TNN: variants seen among roughly 807,000 people sequenced by gnomAD.
The protein encoded by TNN is tenascin N, also known as tenascin-N.
In TNN, 122 loss-of-function variants were observed where a neutral mutation model predicts 134.4. The observed-to-expected ratio is 0.91, with a 90% CI of 0.78 to 1.06. The LOEUF (loss-of-function observed/expected upper bound fraction) is 1.06, where lower values mean the gene tolerates loss of function less well. Ranked by LOEUF, TNN falls within the 50% of genes least tolerant of loss-of-function variation. TNN has a pLI of 0.00. For missense variants in TNN, 1,739 were observed against 1,699.4 expected (o/e 1.02, Z -0.41); for synonymous variants, 710 against 670.3 (o/e 1.06, Z -0.91).
intron 9 of TNN, among the ~76,000 whole-genome samples, chr1:175,111,229 A>G (rs1675015498): frequency 6.6e-6 from 1 of 152,164 alleles, no homozygotes; most frequent in Non-Finnish European, 1.5e-5. Context: ...GAGGCAGGAG[A>G]ATCGCTTGAA....
intron 9 of TNN, among the ~76,000 whole-genome samples, chr1:175,109,795 G>A (rs1444305265): frequency 1.3e-5 from 2 of 151,686 alleles, no homozygotes; most frequent in African/African-American, 2.4e-5. Context: ...TGGTTATTAT[G>A]AATAGTGCTG....
At chr1:175,127,450 A>G (rs777696845) in intron 13 of TNN, among the ~76,000 whole-genome samples, 1 of 152,188 alleles carries the variant, frequency 6.6e-6, no homozygotes, top group Non-Finnish European at 1.5e-5. Flanking sequence ...GAAAATTATT[A>G]TTCTCCCTCC....
rs1011383991 is a variant in TNN at position 175,107,231 on chromosome 1, G to T, written c.2119+8636G>T. Among the ~76,000 whole-genome samples the T allele has an allele frequency of 1.3e-4, 19 of 145,542 alleles. 2 individuals are homozygous for T. Among genetic ancestry groups the T allele is most frequent in the Middle Eastern group, 3.5e-3 (1 of 288 alleles). On this transcript the variant is annotated intron_variant, in intron 9 of 18. Transcript: ENST00000239462. ...TCTGTCCCTTCTGATGTTCAGATGT[G>T]TTTGGAGTTTCTTCCTTCTGGTGGG... is the stretch of plus-strand genomic sequence containing the variant.
intron 1 of TNN, among the ~76,000 whole-genome samples, chr1:175,068,758 A>T (rs909465864): frequency 3.9e-5 from 6 of 152,044 alleles, no homozygotes; most frequent in Non-Finnish European, 8.8e-5. Flanking sequence ...AATACAAAAA[A>T]TTAGCCGGGC....
chr1:175,115,587 C>G (rs949767920), intron 9 of TNN, among the ~76,000 whole-genome samples: 7 of 152,092 alleles, frequency 4.6e-5, no homozygotes, highest in African/African-American at 1.7e-4. Context: ...GGTGTCTCAG[C>G]AGCAGTTTAC....
chr1:175,099,661 A>C (rs1348881779), intron 9 of TNN, among the ~76,000 whole-genome samples: 1 of 151,518 alleles, frequency 6.6e-6, no homozygotes, highest in Non-Finnish European at 1.5e-5. Context: ...AGGGGTCAGG[A>C]GGAAGCGAAG....
chr1:175,138,262 A>G (rs1675865290), intron 17 of TNN, among the ~76,000 whole-genome samples: 1 of 152,234 alleles, frequency 6.6e-6, no homozygotes, highest in Non-Finnish European at 1.5e-5. Context: ...AAATAGTCAC[A>G]TGAATTTTGC....
rs979721208 is a variant in TNN at position 175,120,692 on chromosome 1, A to G, written c.2650+1868A>G. ...GACAGACCTCACTGCAAAAAAGGCT[A>G]GGAAATGAGGTCTTTAGCTGGATGG... On this transcript the variant is annotated intron_variant, in intron 11 of 18. Coordinates refer to ENST00000239462, the MANE Select transcript of TNN (RefSeq NM_022093.2). 3.9e-5 allele frequency among the ~76,000 whole-genome samples: 6 copies of G among 152,048 alleles called. 1 individual carries two copies. The South Asian group carries it at 6.2e-4, about 16-fold the overall frequency.
chr1:175,136,439 A>G (rs12057862), intron 16 of TNN, among the ~76,000 whole-genome samples: 2,705 of 152,342 alleles, frequency 0.018, 70 homozygotes, highest in African/African-American at 0.061. Flanking sequence ...AGTGTCTAAT[A>G]AAGTAGATGA....
chr1:175,081,014 G>A (rs1242422486), intron 4 of TNN, among the ~76,000 whole-genome samples: 1 of 152,186 alleles, frequency 6.6e-6, no homozygotes, highest in Admixed American at 6.5e-5. Context: ...GCCTGGTAGG[G>A]TTGTTTTGGT....
intron 11 of TNN, among the ~76,000 whole-genome samples, chr1:175,120,487 G>A (rs150317549): frequency 3.6e-4 from 55 of 152,270 alleles, no homozygotes; most frequent in Middle Eastern, 6.8e-3. Context: ...GTAGCTCCTC[G>A]TCCAGGAGAC....
At position 175,104,426 on chromosome 1, in the gene TNN, C is replaced by T. The variant is rs532567253; in HGVS notation, c.2119+5831C>T. Among the ~76,000 whole-genome samples, 33 of 145,714 alleles carry T rather than the reference C, an allele frequency of 2.3e-4. 2 individuals carry two copies. The highest frequency in any genetic ancestry group is 5.9e-4 in the African/African-American group (24 of 40,530). On this transcript the variant is annotated intron_variant, in intron 9 of 18. Transcript: ENST00000239462. ...GCAGTGCACCTTCCAGTGATTGCCT[C>T]GGCATAGTGGACACGGATGAGGGGG...
intron 8 of TNN, 65 bp from the exon 9 acceptor site, chr1:175,098,267 A>G (rs1424383723): frequency 9.4e-6 from 15 of 1,604,198 alleles, no homozygotes; most frequent in Non-Finnish European, 1.2e-5. Context: ...AATGATGAAG[A>G]TGGGGGTAAG....
chr1:175,093,328 G>C (rs1674495754), intron 6 of TNN, among the ~76,000 whole-genome samples: 1 of 152,224 alleles, frequency 6.6e-6, no homozygotes, highest in African/African-American at 2.4e-5. Flanking sequence ...GGGAAGCACA[G>C]TCTCTAGGAC....
In TNN at chr1:175,136,840, C is replaced by A. The variant is rs1487600966; in HGVS notation, c.3447C>A (p.Asn1149Lys). ...EFWLGLDKLH[N>K]LTTGTPARYE... ...TTTTAGGACTTGACAAGCTACACAA[C>A]CTCACCACCGGCACTCCAGCGCGGT... Residue 1149 changes from asparagine (N) to lysine (K), a missense_variant, in exon 17 of 19, where the codon AAC becomes AAA. Coordinates refer to ENST00000239462, the MANE Select transcript of TNN (RefSeq NM_022093.2). The A allele has an allele frequency of 1.2e-6, 2 of 1,613,968 alleles. No homozygotes were observed. Among genetic ancestry groups the A allele is most frequent in the Non-Finnish European group, 1.7e-6 (2 of 1,179,942 alleles).
At chr1:175,126,342 C>A (rs1002749253) in intron 12 of TNN, among the ~76,000 whole-genome samples, 1 of 152,042 alleles carries the variant, frequency 6.6e-6, no homozygotes, top group Non-Finnish European at 1.5e-5. Flanking sequence ...CCTTGTGATC[C>A]GCCTGCCTTG....
At chr1:175,131,040 T>C (rs1675663261) in intron 15 of TNN, among the ~76,000 whole-genome samples, 1 of 148,434 alleles carries the variant, frequency 6.7e-6, no homozygotes, top group African/African-American at 2.6e-5. Flanking sequence ...TTGTTACAGT[T>C]TTTTTGGGGG....
At position 175,147,044 on chromosome 1, in the gene TNN, G is replaced by C. The variant is rs1480409010; in HGVS notation, c.3873G>C (p.Thr1291=). 1.3e-6 allele frequency: 2 copies of C among 1,591,090 alleles called. No homozygotes were observed. The highest frequency in any genetic ancestry group is 1.8e-5 in the Admixed American group (1 of 55,694). Residue 1291 remains threonine, a synonymous_variant, in exon 19 of 19, where the codon ACG becomes ACC. Coordinates refer to ENST00000239462, the MANE Select transcript of TNN (RefSeq NM_022093.2). ...REPVLGRKKR[T]LRGRLRTF The stretch of plus-strand genomic sequence containing the variant: ...CTGTCCTGGGCAGAAAGAAGCGGAC[G>C]CTGAGAGGAAGGCTGCGAACGTTCT...
chr1:175,120,983 A>G (rs1675360068), intron 11 of TNN, among the ~76,000 whole-genome samples: 2 of 152,204 alleles, frequency 1.3e-5, no homozygotes, highest in Admixed American at 1.3e-4. Flanking sequence ...TTTCTTTTAG[A>G]GATGGGGTCT....
Sources: allele counts gnomAD v4.1 joint callset (sites outside exome capture counted in the v4.1 genomes callset), GRCh38; gene constraint gnomAD v4.1.1; transcripts MANE v1.5; gene names NCBI Gene and HGNC (gene_info 2026-07-23, HGNC 2026-07-21).